Variants in NDST3 observed in about 807,000 individuals in gnomAD.
NDST3 encodes the protein bifunctional heparan sulfate N-deacetylase/N-sulfotransferase 3.
A neutral mutation model predicts 96.1 loss-of-function variants in NDST3; 58 were observed. That is an observed-to-expected ratio of 0.60 (90% CI 0.49 to 0.75). The LOEUF (loss-of-function observed/expected upper bound fraction) is 0.75, where lower values mean the gene tolerates loss of function less well. Among genes scored for constraint, NDST3 ranks in the 30% least tolerant of loss-of-function variants. NDST3 has a pLI of 0.00. For missense variants in NDST3, 788 were observed against 1,034.2 expected, an observed-to-expected ratio of 0.76 and a Z score of 3.27; for synonymous variants, 333 against 359.7, an observed-to-expected ratio of 0.93 and a Z score of 0.84.
Position 118,242,966 on chromosome 4 carries a change from C to T in NDST3, c.2399+817C>T, listed in dbSNP as rs534789607. Among the ~76,000 whole-genome samples the T allele has an allele frequency of 7.9e-5, 12 of 152,130 alleles. 1 individual carries two copies. The South Asian group carries it at 2.1e-3, about 26-fold the overall frequency. Reference sequence around the variant, plus strand: ...TTTGAAGAAGACCTCTATCTTACTGCGTCCATTTAGAATAGTTGGCAATCA... The same window carrying T: ...TTTGAAGAAGACCTCTATCTTACTGTGTCCATTTAGAATAGTTGGCAATCA... On this transcript the variant is annotated intron_variant, in intron 12 of 13. Coordinates refer to ENST00000296499, the MANE Select transcript of NDST3 (RefSeq NM_004784.3).
At chr4:118,058,130 G>A (rs1354310544) in intron 2 of NDST3, among the ~76,000 whole-genome samples, 1 of 151,750 alleles carries the variant, frequency 6.6e-6, no homozygotes, top group South Asian at 2.1e-4. Context: ...GAAGTATTGG[G>A]AAAATTTAAA....
chr4:118,135,677 T>C (rs1733019454), intron 4 of NDST3, among the ~76,000 whole-genome samples: 1 of 152,106 alleles, frequency 6.6e-6, no homozygotes, highest in Non-Finnish European at 1.5e-5. Context: ...CCAGAAGCGA[T>C]GTTTTCTGCT....
At chr4:118,234,076 GATTA>G (rs1248468030) in intron 9 of NDST3, among the ~76,000 whole-genome samples, 3 of 152,136 alleles carry the variant, frequency 2.0e-5, no homozygotes, top group Admixed American at 1.3e-4. Context: ...GTTTGATATT[GATTA>G]ATTGTGTGGT....
chr4:118,253,643 G>A, intron 13 of NDST3, 42 bp downstream of exon 13: 2 of 1,321,212 alleles, frequency 1.5e-6, no homozygotes, highest in Non-Finnish European at 2.1e-6. Context: ...TCAGCAAAAT[G>A]GTAACCAATA....
intron 6 of NDST3, among the ~76,000 whole-genome samples, chr4:118,153,316 T>C (rs1402130811): frequency 6.6e-6 from 1 of 152,212 alleles, no homozygotes; most frequent in African/African-American, 2.4e-5. Context: ...TCTTGTGTTT[T>C]GTTTACTCTA....
At chr4:118,133,658 G>C (rs1732829464) in intron 4 of NDST3, among the ~76,000 whole-genome samples, 1 of 152,098 alleles carries the variant, frequency 6.6e-6, no homozygotes, top group African/African-American at 2.4e-5. Context: ...ATTTTGCTCT[G>C]CCCTCATAAT....
At chr4:118,233,282 G>T in intron 9 of NDST3, 147 bp downstream of exon 9, 1 of 639,972 alleles carries the variant, frequency 1.6e-6, no homozygotes, top group African/African-American at 1.9e-5. Flanking sequence ...TCATAAAGGG[G>T]CTCAGAAATT....
chr4:118,065,511 C>T (rs1404062571), intron 2 of NDST3, among the ~76,000 whole-genome samples: 1 of 152,004 alleles, frequency 6.6e-6, no homozygotes, highest in Non-Finnish European at 1.5e-5. Flanking sequence ...CAATTCATTA[C>T]TTTAGGAGTT....
intron 3 of NDST3, among the ~76,000 whole-genome samples, chr4:118,113,738 G>T (rs1486294999): frequency 1.3e-5 from 2 of 152,084 alleles, no homozygotes; most frequent in Non-Finnish European, 2.9e-5. Flanking sequence ...GAAAATATGG[G>T]AGGAGATTTT....
chr4:118,078,385 T>C (rs990833854), intron 2 of NDST3, among the ~76,000 whole-genome samples: 4 of 152,162 alleles, frequency 2.6e-5, no homozygotes, highest in African/African-American at 9.7e-5. Flanking sequence ...CATCATTTCA[T>C]CTTTCTGATT....
chr4:118,237,268 C>A, intron 10 of NDST3, 48 bp downstream of exon 10: 1 of 1,457,542 alleles, frequency 6.9e-7, no homozygotes. Context: ...GGAGTATGGA[C>A]AATGGAGCAT....
At chr4:118,151,554 T>C (rs1334526880) in intron 6 of NDST3, among the ~76,000 whole-genome samples, 1 of 152,134 alleles carries the variant, frequency 6.6e-6, no homozygotes, top group Admixed American at 6.5e-5. Context: ...GGGCTCTACA[T>C]ACTCACCATG....
intron 6 of NDST3, among the ~76,000 whole-genome samples, chr4:118,168,726 G>A (rs1735723419): frequency 6.6e-6 from 1 of 152,108 alleles, no homozygotes; most frequent in Admixed American, 6.6e-5. Flanking sequence ...CAACCTAAAT[G>A]TCCATCAATC....
rs756837776 is a variant in NDST3 at position 118,054,435 on chromosome 4, T to C, written c.525T>C (p.Phe175=). 6.2e-7 allele frequency: 1 copy of C among 1,613,120 alleles called. No homozygotes were observed. Among genetic ancestry groups the C allele is most frequent in the East Asian group, 2.2e-5 (1 of 44,842 alleles). ...CTAGTGAGAAGAGTGTACAGAGCTT[T>C]CAGTTAAAAGGTTTCCCTTTTTCCA... ...HKTSEKSVQS[F]QLKGFPFSIY... is the part of the protein sequence containing the mutation. Residue 175 remains phenylalanine, a synonymous_variant, in exon 2 of 14, where the codon TTT becomes TTC. Coordinates refer to ENST00000296499, the MANE Select transcript of NDST3 (RefSeq NM_004784.3).
chr4:118,220,833 A>G lies in NDST3; in HGVS notation c.1540-3658A>G, dbSNP rs114468262. Among the ~76,000 whole-genome samples the G allele has an allele frequency of 4.0e-3, 616 of 152,190 alleles. 6 individuals are homozygous for G. Among genetic ancestry groups the G allele is most frequent in the African/African-American group, 0.014 (595 of 41,554 alleles). On this transcript the variant is annotated intron_variant, in intron 6 of 13. Transcript: ENST00000296499. ...ATTGAAATATATTTATGAACTTAATAAAACATGCTTGCTTTTAAAATGTGT... is the reference window on the plus strand; with the variant it reads ...ATTGAAATATATTTATGAACTTAATGAAACATGCTTGCTTTTAAAATGTGT...
At chr4:118,162,908 A>G (rs1313477714) in intron 6 of NDST3, among the ~76,000 whole-genome samples, 1 of 148,166 alleles carries the variant, frequency 6.7e-6, no homozygotes, top group Non-Finnish European at 1.5e-5. Flanking sequence ...TTACAAGAAA[A>G]AAACAAACAA....
chr4:118,131,819 T>G, intron 4 of NDST3, among the ~76,000 whole-genome samples: 1 of 152,156 alleles, frequency 6.6e-6, no homozygotes, highest in Non-Finnish European at 1.5e-5. Flanking sequence ...AGAGGTACCA[T>G]CTTGGTGGTC....
intron 3 of NDST3, among the ~76,000 whole-genome samples, chr4:118,113,684 G>A (rs916945554): frequency 1.3e-5 from 2 of 152,116 alleles, no homozygotes; most frequent in Non-Finnish European, 2.9e-5. Flanking sequence ...TCCATCTTTA[G>A]CCTGTAGGGC....
chr4:118,088,398 C>T (rs1352910888), intron 2 of NDST3, among the ~76,000 whole-genome samples: 1 of 151,972 alleles, frequency 6.6e-6, no homozygotes, highest in African/African-American at 2.4e-5. Context: ...GAAAGAATTA[C>T]AGAATACAAA....
Sources: allele counts gnomAD v4.1 joint callset (sites outside exome capture counted in the v4.1 genomes callset), GRCh38; gene constraint gnomAD v4.1.1; transcripts MANE v1.5; gene names NCBI Gene and HGNC (gene_info 2026-07-23, HGNC 2026-07-21).